The following GHR variants were observed in gnomAD, a reference collection of about 807,000 sequenced individuals.
GHR encodes GH receptor.
GHR carries 35 observed loss-of-function variants against 67.1 expected under a neutral mutation model. That is an observed-to-expected ratio of 0.52 (90% CI 0.40 to 0.69). GHR has a LOEUF of 0.69. GHR is among the 30% of genes least tolerant of loss of function. The pLI, the probability that GHR is intolerant of heterozygous loss-of-function variation, is 0.00. For synonymous variants in GHR, 272 were observed against 269.1 expected (o/e 1.01, Z -0.10); for missense variants, 792 against 764.6 (o/e 1.04, Z -0.42).
intron 1 of GHR, among the ~76,000 whole-genome samples, chr5:42,504,673 C>A (rs553501899): frequency 6.6e-6 from 1 of 152,030 alleles, no homozygotes; most frequent in Non-Finnish European, 1.5e-5. Flanking sequence ...GCAGGAGAAT[C>A]GCTTGAACCC....
intron 2 of GHR, among the ~76,000 whole-genome samples, chr5:42,607,442 TA>T (rs531669511): frequency 1.4e-3 from 215 of 152,280 alleles, no homozygotes; most frequent in African/African-American, 4.7e-3. Context: ...ACCAATTTCT[TA>T]AACATCAACT....
intron 1 of GHR, among the ~76,000 whole-genome samples, chr5:42,539,003 G>C (rs1748383760): frequency 6.6e-6 from 1 of 151,898 alleles, no homozygotes; most frequent in Admixed American, 6.6e-5. Flanking sequence ...ATTTCTATAA[G>C]CTTGTCCAAT....
chr5:42,506,616 C>G (rs375479474), intron 1 of GHR, among the ~76,000 whole-genome samples: 1 of 152,104 alleles, frequency 6.6e-6, no homozygotes, highest in African/African-American at 2.4e-5. Context: ...ATTTTAGTCC[C>G]TCTAGCCTGA....
At chr5:42,440,595 G>T (rs1743523470) in intron 1 of GHR, among the ~76,000 whole-genome samples, 1 of 152,134 alleles carries the variant, frequency 6.6e-6, no homozygotes, top group Non-Finnish European at 1.5e-5. Flanking sequence ...CCATTGAAGG[G>T]TTTGAAGCAG....
chr5:42,599,419 G>T (rs997859653), intron 2 of GHR, among the ~76,000 whole-genome samples: 3 of 142,212 alleles, frequency 2.1e-5, no homozygotes, highest in African/African-American at 5.4e-5. Flanking sequence ...CCGGAGTGCA[G>T]TGGCACAATC....
At chr5:42,659,825 G>T (rs546364184) in intron 3 of GHR, among the ~76,000 whole-genome samples, 4 of 152,132 alleles carry the variant, frequency 2.6e-5, no homozygotes, top group Admixed American at 1.3e-4. Context: ...CTCAGGAAGC[G>T]CAAGGGGACA....
chr5:42,558,324 A>T (rs958943586), intron 1 of GHR, among the ~76,000 whole-genome samples: 1 of 152,224 alleles, frequency 6.6e-6, no homozygotes, highest in African/African-American at 2.4e-5. Flanking sequence ...TTGAAATTTT[A>T]AAAAATTACT....
chr5:42,679,008 C>G (rs1756705141), intron 3 of GHR, among the ~76,000 whole-genome samples: 1 of 144,398 alleles, frequency 6.9e-6, no homozygotes, highest in African/African-American at 2.5e-5. Flanking sequence ...GAATTAATAA[C>G]ATATTAATTC....
intron 1 of GHR, among the ~76,000 whole-genome samples, chr5:42,452,655 G>T (rs968672524): frequency 2.6e-5 from 4 of 152,026 alleles, no homozygotes; most frequent in South Asian, 2.1e-4. Flanking sequence ...GAGCTCTGAA[G>T]TTCTTTCTTC....
At chr5:42,583,282 C>A (rs912769055) in intron 2 of GHR, among the ~76,000 whole-genome samples, 3 of 152,308 alleles carry the variant, frequency 2.0e-5, no homozygotes, top group East Asian at 3.9e-4. Flanking sequence ...TTCTCCTCTC[C>A]CATTTCTGTC....
At chr5:42,465,961 G>A (rs528758177) in intron 1 of GHR, 66 of 662,946 alleles carry the variant, frequency 1.0e-4, no homozygotes, top group African/African-American at 2.9e-4. Flanking sequence ...TCCCTTCACC[G>A]TGAAGTTGTT....
intron 1 of GHR, among the ~76,000 whole-genome samples, chr5:42,526,485 T>A (rs1747710774): frequency 6.6e-6 from 1 of 152,200 alleles, no homozygotes; most frequent in African/African-American, 2.4e-5. Context: ...AGATCAGTGA[T>A]GAAGATTACT....
intron 1 of GHR, among the ~76,000 whole-genome samples, chr5:42,557,726 C>T (rs1749387329): frequency 6.6e-6 from 1 of 152,114 alleles, no homozygotes; most frequent in Non-Finnish European, 1.5e-5. Flanking sequence ...GTGGTAGAAG[C>T]TAATGTCTCC....
intron 2 of GHR, among the ~76,000 whole-genome samples, chr5:42,587,580 A>G (rs936599112): frequency 2.0e-5 from 3 of 152,104 alleles, no homozygotes; most frequent in Non-Finnish European, 2.9e-5. Context: ...CACAAATATA[A>G]CTGCCTGATC....
At chr5:42,467,486 GGA>G in intron 1 of GHR, 1 of 1,023,036 alleles carries the variant, frequency 9.8e-7, no homozygotes, top group Non-Finnish European at 1.5e-6. Context: ...TCTGTAATGT[GGA>G]GTTTCTGGTG....
chr5:42,691,363 C>T (rs990429469), intron 4 of GHR, among the ~76,000 whole-genome samples: 1 of 152,068 alleles, frequency 6.6e-6, no homozygotes, highest in African/African-American at 2.4e-5. Flanking sequence ...TACTATGAGC[C>T]CACAGCCCAG....
rs556351511 is a variant in GHR, at chr5:42,440,578, T to C, written c.-12+16623T>C. ...TAGTTTTTACTTATCTTAAGAGCAA[T>C]AGAAAACCATTGAAGGGTTTGAAGC... is the stretch of plus-strand genomic sequence containing the variant. On this transcript the variant is annotated intron_variant, in intron 1 of 9. Transcript: ENST00000230882. 5.9e-5 allele frequency among the ~76,000 whole-genome samples: 9 copies of C among 152,246 alleles called. No individual in the cohort carries two copies. In the East Asian group the frequency reaches 1.7e-3, roughly 29 times the overall value.
At chr5:42,584,479 A>C (rs894152790) in intron 2 of GHR, among the ~76,000 whole-genome samples, 2 of 152,168 alleles carry the variant, frequency 1.3e-5, no homozygotes, top group Non-Finnish European at 2.9e-5. Context: ...ATAGTTATCT[A>C]TGTTAACCAA....
At chr5:42,446,544 A>T (rs1743814299) in intron 1 of GHR, among the ~76,000 whole-genome samples, 1 of 152,224 alleles carries the variant, frequency 6.6e-6, no homozygotes, top group Non-Finnish European at 1.5e-5. Context: ...TTCTTATGTC[A>T]GTAAGTAACA....
Sources: allele counts gnomAD v4.1 joint callset (sites outside exome capture counted in the v4.1 genomes callset), GRCh38; gene constraint gnomAD v4.1.1; transcripts MANE v1.5; gene names NCBI Gene and HGNC (gene_info 2026-07-23, HGNC 2026-07-21).